FOLH1: variants seen among roughly 807,000 people sequenced by gnomAD.
The protein encoded by FOLH1 is glutamate carboxypeptidase 2.
In FOLH1, 54 loss-of-function variants were observed where a neutral mutation model predicts 93.9. The observed-to-expected ratio is 0.57, with a 90% CI of 0.46 to 0.72. The LOEUF is 0.72. Ranked by LOEUF, FOLH1 falls within the 30% of genes least tolerant of loss-of-function variation. FOLH1 has a pLI of 0.00. For synonymous variants in FOLH1, 249 were observed against 303.6 expected (o/e 0.82, Z 1.87); for missense variants, 571 against 892.5 (o/e 0.64, Z 4.59).
chr11:49,153,102 A>G (rs1262863280), intron 17 of FOLH1, among the ~76,000 whole-genome samples: 3 of 152,160 alleles, frequency 2.0e-5, no homozygotes, highest in Non-Finnish European at 4.4e-5. Flanking sequence ...TATTTATATC[A>G]TGATACTATA....
intron 17 of FOLH1, among the ~76,000 whole-genome samples, chr11:49,150,403 T>A (rs1366376943): frequency 6.6e-6 from 1 of 152,184 alleles, no homozygotes; most frequent in Non-Finnish European, 1.5e-5. Context: ...TACATTGGCA[T>A]AATTAACTGA....
In FOLH1 at chr11:49,173,450, G is replaced by A. The variant is rs763312906; in HGVS notation, c.1132C>T (p.Arg378Trp). 8 of 1,608,014 alleles carry A rather than the reference G, an allele frequency of 5.0e-6. No individual in the cohort carries two copies. The highest frequency in any genetic ancestry group is 1.6e-4 in the Middle Eastern group (1 of 6,066). ...PDRYVILGGH[R>W]DSWVFGGIDP... ...ATACCACCAAACACCCATGAGTCCC[G>A]GTGACCTCCCAGAATGACATATCTG... Residue 378 changes from arginine to tryptophan, a missense_variant, in exon 10 of 19, where the codon CGG becomes TGG. By Grantham distance (101) the Arg-to-Trp change is moderately radical. Coordinates refer to ENST00000256999, the MANE Select transcript of FOLH1 (RefSeq NM_004476.3).
intron 7 of FOLH1, among the ~76,000 whole-genome samples, chr11:49,177,326 G>A (rs1453779441): frequency 6.6e-6 from 1 of 151,912 alleles, no homozygotes; most frequent in Non-Finnish European, 1.5e-5. Context: ...AAAGCATCAA[G>A]CAACATGAAG....
intron 15 of FOLH1, 82 bp from the exon 16 acceptor site, chr11:49,154,574 T>G: frequency 6.5e-7 from 1 of 1,543,976 alleles, no homozygotes; most frequent in South Asian, 1.2e-5. Flanking sequence ...TTAGTATTAG[T>G]AAGATTGGTC....
intron 7 of FOLH1, among the ~76,000 whole-genome samples, chr11:49,182,051 G>A (rs536811838): frequency 2.6e-5 from 4 of 152,120 alleles, no homozygotes; most frequent in African/African-American, 9.7e-5. Flanking sequence ...AATGGTGGCT[G>A]GGCGCAGTGC....
At chr11:49,205,456 G>T (rs1209219893) in intron 2 of FOLH1, among the ~76,000 whole-genome samples, 1 of 152,116 alleles carries the variant, frequency 6.6e-6, no homozygotes, top group Non-Finnish European at 1.5e-5. Context: ...TTTTACAGAT[G>T]TGGAAAAGAG....
intron 10 of FOLH1, among the ~76,000 whole-genome samples, chr11:49,171,531 G>A (rs539247591): frequency 6.6e-6 from 1 of 152,086 alleles, no homozygotes; most frequent in East Asian, 1.9e-4. Flanking sequence ...CATTCTAATA[G>A]GTTTATAATG....
intron 13 of FOLH1, among the ~76,000 whole-genome samples, chr11:49,162,122 T>C (rs528634264): frequency 4.6e-5 from 7 of 152,270 alleles, no homozygotes; most frequent in Middle Eastern, 3.4e-3. Flanking sequence ...TCTTCTCAAG[T>C]AGTATCTTAC....
chr11:49,188,807 T>C (rs941096851), intron 4 of FOLH1, among the ~76,000 whole-genome samples: 2 of 152,204 alleles, frequency 1.3e-5, no homozygotes, highest in African/African-American at 4.8e-5. Context: ...AGATTTGTTA[T>C]GGAATTGTTA....
intron 8 of FOLH1, 58 bp from the exon 9 acceptor site, chr11:49,175,035 A>G (rs773417174): frequency 1.3e-6 from 2 of 1,508,350 alleles, no homozygotes; most frequent in Non-Finnish European, 9.1e-7. Flanking sequence ...GATTAACACT[A>G]TAAGGTTTAA....
rs537937160 is a variant in FOLH1 at position 49,207,607 on chromosome 11, C to T, written c.118+685G>A. On this transcript the variant is annotated intron_variant, in intron 1 of 18. Coordinates refer to ENST00000256999, the MANE Select transcript of FOLH1 (RefSeq NM_004476.3). ...TCCCAGTACTGTGCTAGGAGATTTA[C>T]ATGCTATATTATTTACTATTACCAA... Among the ~76,000 whole-genome samples, 23 of 152,238 alleles carry T rather than the reference C, an allele frequency of 1.5e-4. No individual in the cohort carries two copies. In the South Asian group the frequency reaches 2.7e-3, roughly 18 times the overall value.
At chr11:49,151,730 G>A (rs1418955451) in intron 17 of FOLH1, among the ~76,000 whole-genome samples, 1 of 152,190 alleles carries the variant, frequency 6.6e-6, no homozygotes, top group Non-Finnish European at 1.5e-5. Context: ...GGGAAGCTGA[G>A]TGTGCCAAAC....
rs1428407738 is a variant in FOLH1 at position 49,195,776 on chromosome 11, A to G, written c.412-2882T>C. 3.3e-5 allele frequency among the ~76,000 whole-genome samples: 5 copies of G among 152,216 alleles called. No homozygotes were observed. The East Asian group carries it at 9.6e-4, about 29-fold the overall frequency. On this transcript the variant is annotated intron_variant, in intron 3 of 18. Coordinates refer to ENST00000256999, the MANE Select transcript of FOLH1 (RefSeq NM_004476.3). ...TACAAAAGATAAGAAAATACTAGGA[A>G]CAACTATACTATAAATTTGAAAGCT...
intron 12 of FOLH1, among the ~76,000 whole-genome samples, chr11:49,165,184 C>T (rs1312993735): frequency 6.6e-6 from 1 of 152,178 alleles, no homozygotes; most frequent in African/African-American, 2.4e-5. Context: ...TAGCCACTCT[C>T]TCTTTTAACC....
At chr11:49,173,577 GAA>G in intron 9 of FOLH1, 101 bp from the exon 10 acceptor site, 40 of 650,332 alleles carry the variant, frequency 6.2e-5, no homozygotes, top group Middle Eastern at 4.6e-4. Context: ...TCACGCCTCA[GAA>G]AAAAAAAAAA....
chr11:49,156,720 A>T lies in FOLH1; in HGVS notation c.1620T>A (p.Asn540Lys). ...IASGRARYTK[N>K]WETNKFSGYP... ...AGATAATTTGAGATTCACTTACCCAATTTTTAGTATACCGTGCTCTGCCTG... is the reference window on the plus strand; with the variant it reads ...AGATAATTTGAGATTCACTTACCCATTTTTTAGTATACCGTGCTCTGCCTG... Residue 540 changes from asparagine (N) to lysine (K), a missense_variant, in exon 15 of 19, where the codon AAT becomes AAA. Asn to Lys is a moderately conservative substitution (Grantham distance 94, BLOSUM62 0). Coordinates refer to ENST00000256999, the MANE Select transcript of FOLH1 (RefSeq NM_004476.3). 2 of 1,612,600 alleles carry T rather than the reference A, an allele frequency of 1.2e-6. No individual in the cohort carries two copies. Among genetic ancestry groups the T allele is most frequent in the Non-Finnish European group, 1.7e-6 (2 of 1,178,930 alleles).
chr11:49,200,880 C>A (rs1863188995), intron 2 of FOLH1, among the ~76,000 whole-genome samples: 1 of 152,010 alleles, frequency 6.6e-6, no homozygotes, highest in Non-Finnish European at 1.5e-5. Flanking sequence ...GAGTTATAGA[C>A]AAGTGATAAA....
At chr11:49,193,368 G>T (rs1862277072) in intron 3 of FOLH1, among the ~76,000 whole-genome samples, 1 of 152,164 alleles carries the variant, frequency 6.6e-6, no homozygotes, top group African/African-American at 2.4e-5. Context: ...TTCACAGAAG[G>T]TTAGAAGTAA....
intron 7 of FOLH1, among the ~76,000 whole-genome samples, chr11:49,180,556 T>C (rs967453481): frequency 6.6e-6 from 1 of 152,188 alleles, no homozygotes; most frequent in Non-Finnish European, 1.5e-5. Context: ...TAATAAACTT[T>C]TATTTCATGA....
Sources: gnomAD v4.1 joint callset for allele counts (sites outside exome capture counted in the v4.1 genomes callset) on GRCh38, gnomAD v4.1.1 for gene constraint, MANE v1.5 for transcripts, NCBI Gene and HGNC (gene_info 2026-07-23, HGNC 2026-07-21) for gene names.